Variants in DCDC1 observed in about 807,000 individuals in gnomAD.
The protein encoded by DCDC1 is doublecortin domain-containing protein 1.
DCDC1 carries 200 observed loss-of-function variants against 178.3 expected under a neutral mutation model. The observed-to-expected ratio is 1.12, with a 90% CI of 1.00 to 1.26. The LOEUF (loss-of-function observed/expected upper bound fraction) is 1.26, where lower values mean the gene tolerates loss of function less well. Ranked by LOEUF, DCDC1 falls within the 50% of genes most tolerant of loss-of-function variation. DCDC1 has a pLI of 0.00. For synonymous variants in DCDC1, 690 were observed against 604.8 expected, an observed-to-expected ratio of 1.14 and a Z score of -2.07; for missense variants, 1,983 against 1,749.2, an observed-to-expected ratio of 1.13 and a Z score of -2.38.
At chr11:31,326,988 T>C (rs1949681185) in intron 3 of DCDC1, among the ~76,000 whole-genome samples, 1 of 152,190 alleles carries the variant, frequency 6.6e-6, no homozygotes, top group Non-Finnish European at 1.5e-5. Context: ...CTCCTCTGCT[T>C]TACAGTTCTG....
intron 18 of DCDC1, among the ~76,000 whole-genome samples, chr11:31,074,925 T>C (rs1956777902): frequency 6.6e-6 from 1 of 152,156 alleles, no homozygotes; most frequent in Non-Finnish European, 1.5e-5. Flanking sequence ...TTTGTATACA[T>C]TTAAGAAGCA....
chr11:30,946,116 GGTCCACAGT>G (rs1948036760), intron 21 of DCDC1, among the ~76,000 whole-genome samples: 1 of 152,134 alleles, frequency 6.6e-6, no homozygotes, highest in Non-Finnish European at 1.5e-5. Context: ...TTGGGAAAGA[GGTCCACAGT>G]GTCCATATGG....
intron 3 of DCDC1, among the ~76,000 whole-genome samples, chr11:31,315,553 G>C (rs1264940213): frequency 6.6e-6 from 1 of 150,910 alleles, no homozygotes; most frequent in Non-Finnish European, 1.5e-5. Flanking sequence ...AGCCAGGATG[G>C]TCTCGATCTC....
At chr11:31,087,677 C>T (rs895810032) in intron 17 of DCDC1, among the ~76,000 whole-genome samples, 1 of 152,126 alleles carries the variant, frequency 6.6e-6, no homozygotes, top group Non-Finnish European at 1.5e-5. Flanking sequence ...ACTCCATTAT[C>T]ATCAGAGAAC....
intron 37 of DCDC1, among the ~76,000 whole-genome samples, 176 bp downstream of exon 37, chr11:30,880,982 T>A (rs1247490588): frequency 6.6e-6 from 1 of 152,214 alleles, no homozygotes. Flanking sequence ...GCAAACAGTG[T>A]TAACACGAGG....
chr11:30,872,948 T>G (rs60508126), intron 38 of DCDC1, among the ~76,000 whole-genome samples: 3,253 of 151,892 alleles, frequency 0.021, 118 homozygotes, highest in African/African-American at 0.073. Context: ...CATTCACCTC[T>G]GCATGCCCAG....
chr11:31,139,953 T>C (rs1963614872), intron 9 of DCDC1, among the ~76,000 whole-genome samples: 1 of 152,102 alleles, frequency 6.6e-6, no homozygotes, highest in Non-Finnish European at 1.5e-5. Context: ...TTTCTAGAAA[T>C]AGACAAGGCA....
intron 3 of DCDC1, among the ~76,000 whole-genome samples, chr11:31,325,435 T>TA (rs1285353326): frequency 6.6e-6 from 1 of 152,262 alleles, no homozygotes; most frequent in East Asian, 1.9e-4. Flanking sequence ...AGTCATAAAA[T>TA]AAGAGGATGA....
intron 20 of DCDC1, among the ~76,000 whole-genome samples, chr11:30,985,438 T>C (rs1272881193): frequency 6.6e-6 from 1 of 152,194 alleles, no homozygotes; most frequent in Non-Finnish European, 1.5e-5. Flanking sequence ...GGTTTCTTTT[T>C]TTATGTTTAT....
intron 7 of DCDC1, among the ~76,000 whole-genome samples, chr11:31,289,791 ATC>A (rs1427821194): frequency 6.6e-6 from 1 of 151,948 alleles, no homozygotes; most frequent in East Asian, 1.9e-4. Flanking sequence ...CACTACTGTT[ATC>A]TCTGTTTTTT....
At chr11:31,119,741 C>T (rs208072) in intron 11 of DCDC1, among the ~76,000 whole-genome samples, 45,665 of 152,002 alleles carry the variant, frequency 0.3, 8,313 homozygotes, top group East Asian at 0.63. Context: ...TGCTTTTGTG[C>T]CATTCAAAGA....
intron 11 of DCDC1, among the ~76,000 whole-genome samples, chr11:31,111,405 T>C (rs1356825210): frequency 6.6e-6 from 1 of 152,076 alleles, no homozygotes; most frequent in Non-Finnish European, 1.5e-5. Flanking sequence ...CCTCAGCCTT[T>C]AGTCATAAAA....
At chr11:31,222,843 C>T (rs191895367) in intron 9 of DCDC1, among the ~76,000 whole-genome samples, 1 of 152,120 alleles carries the variant, frequency 6.6e-6, no homozygotes. Context: ...CTATAAAGGC[C>T]CTATTCCCAA....
intron 20 of DCDC1, among the ~76,000 whole-genome samples, chr11:31,044,334 G>A (rs774074875): frequency 2.6e-5 from 4 of 151,988 alleles, no homozygotes; most frequent in Admixed American, 6.6e-5. Context: ...AAAATTAGCC[G>A]GGCGTGGTGG....
At chr11:31,255,767 A>C (rs989774928) in intron 8 of DCDC1, among the ~76,000 whole-genome samples, 4 of 152,124 alleles carry the variant, frequency 2.6e-5, no homozygotes, top group Non-Finnish European at 5.9e-5. Flanking sequence ...TTTCCATTCT[A>C]TGGTTTGTCT....
At chr11:31,243,758 G>T (rs1296291124) in intron 8 of DCDC1, among the ~76,000 whole-genome samples, 1 of 151,734 alleles carries the variant, frequency 6.6e-6, no homozygotes, top group Non-Finnish European at 1.5e-5. Flanking sequence ...TATGTAATTA[G>T]GAATACTATG....
At chr11:30,909,226 C>T in intron 28 of DCDC1, 110 bp from the exon 29 acceptor site, 1 of 834,254 alleles carries the variant, frequency 1.2e-6, no homozygotes, top group South Asian at 3.7e-5. Flanking sequence ...ATAATCCCAC[C>T]ACACAGTGAC....
chr11:31,006,194 C>A (rs984036516), intron 20 of DCDC1, among the ~76,000 whole-genome samples: 3 of 152,024 alleles, frequency 2.0e-5, no homozygotes, highest in African/African-American at 7.2e-5. Context: ...TCATTCAATT[C>A]TTTTTGAAAC....
intron 1 of DCDC1, among the ~76,000 whole-genome samples, chr11:31,359,263 G>A (rs1269659375): frequency 1.3e-5 from 2 of 151,580 alleles, no homozygotes; most frequent in Non-Finnish European, 2.9e-5. Context: ...CATAAAAAAT[G>A]ATGAGTTCAC....
Sources: gnomAD v4.1 joint callset for allele counts (sites outside exome capture counted in the v4.1 genomes callset) on GRCh38, gnomAD v4.1.1 for gene constraint, MANE v1.5 for transcripts, NCBI Gene and HGNC (gene_info 2026-07-23, HGNC 2026-07-21) for gene names.